The following ADAMTSL1 variants were observed in gnomAD, a reference collection of about 807,000 sequenced individuals.
ADAMTSL1 encodes the protein ADAMTS like 1.
In ADAMTSL1, 126 loss-of-function variants were observed where a neutral mutation model predicts 201.8. The observed-to-expected ratio is 0.62, with a 90% confidence interval of 0.54 to 0.72. The LOEUF (loss-of-function observed/expected upper bound fraction) is 0.72. Ranked by LOEUF, ADAMTSL1 falls within the 30% of genes least tolerant of loss-of-function variation. The pLI is 0.00. For missense variants in ADAMTSL1, 2,679 were observed against 2,277.8 expected (o/e 1.18, Z -3.59); for synonymous variants, 1,121 against 903.4 (o/e 1.24, Z -4.32).
At position 18,781,270 on chromosome 9, in the gene ADAMTSL1, A is replaced by G. The variant is rs1367752231; in HGVS notation, c.3677+3364A>G. 2.0e-5 allele frequency among the ~76,000 whole-genome samples: 3 copies of G among 152,296 alleles called. No homozygotes were observed. The East Asian group carries it at 5.8e-4, about 29-fold the overall frequency. ...TGGGGGAGGGTAGCACTAAGAGGGT[A>G]AGAGGGAAGATACCTGAGAGGCAGG... On this transcript the variant is annotated intron_variant, in intron 19 of 28. Coordinates refer to ENST00000380548, the MANE Select transcript of ADAMTSL1 (RefSeq NM_001040272.6).
intron 2 of ADAMTSL1, among the ~76,000 whole-genome samples, chr9:18,416,109 A>C (rs553252242): frequency 2.0e-4 from 30 of 152,210 alleles, no homozygotes; most frequent in African/African-American, 7.0e-4. Flanking sequence ...TACAGAAAGG[A>C]ATGAAGAACA....
At chr9:18,884,805 T>TTAAG (rs1317364262) in intron 23 of ADAMTSL1, among the ~76,000 whole-genome samples, 1 of 152,220 alleles carries the variant, frequency 6.6e-6, no homozygotes, top group African/African-American at 2.4e-5. Flanking sequence ...TCACTTTGTA[T>TTAAG]TAAGTTTTGA....
chr9:18,730,745 G>A (rs1818169001), intron 15 of ADAMTSL1, among the ~76,000 whole-genome samples: 1 of 152,200 alleles, frequency 6.6e-6, no homozygotes, highest in Admixed American at 6.5e-5. Flanking sequence ...TTTACATGGG[G>A]AGTTACTGTC....
chr9:18,247,831 T>C lies in ADAMTSL1; in HGVS notation c.207+83850T>C, dbSNP rs1423885182. ...GTAGACAAAAGATTAAACAAGTGTA[T>C]GTGGAAAGGGCAGCTTCTAGGAGGC... On this transcript the variant is annotated intron_variant, in intron 2 of 29. Transcript: ENST00000680146. Among the ~76,000 whole-genome samples, 3 of 152,098 alleles carry C rather than the reference T, an allele frequency of 2.0e-5. No individual in the cohort carries two copies. In the East Asian group the frequency reaches 5.8e-4, roughly 29 times the overall value.
intron 1 of ADAMTSL1, among the ~76,000 whole-genome samples, chr9:18,494,570 G>T (rs1007084563): frequency 3.9e-5 from 6 of 152,250 alleles, no homozygotes; most frequent in African/African-American, 1.2e-4. Context: ...GTGTTACTGA[G>T]AATCATGACC....
intron 15 of ADAMTSL1, among the ~76,000 whole-genome samples, chr9:18,732,447 T>C (rs1588006513): frequency 1.3e-5 from 2 of 152,148 alleles, no homozygotes; most frequent in Admixed American, 6.5e-5. Context: ...GTAAGTACCA[T>C]AATGAGATGA....
intron 10 of ADAMTSL1, among the ~76,000 whole-genome samples, chr9:18,677,923 C>T (rs147540249): frequency 6.6e-6 from 1 of 151,936 alleles, no homozygotes; most frequent in African/African-American, 2.4e-5. Flanking sequence ...TGTTTTCATT[C>T]GTAAGAAGAA....
At chr9:18,133,761 T>C (rs1313762006) in intron 1 of ADAMTSL1, among the ~76,000 whole-genome samples, 2 of 152,100 alleles carry the variant, frequency 1.3e-5, no homozygotes, top group African/African-American at 4.8e-5. Context: ...TATGTATATA[T>C]TTACACACAC....
intron 2 of ADAMTSL1, among the ~76,000 whole-genome samples, chr9:18,411,639 G>T (rs1457430940): frequency 6.6e-6 from 1 of 152,098 alleles, no homozygotes; most frequent in Admixed American, 6.5e-5. Context: ...CACACCTAAT[G>T]TTATCACCCA....
chr9:18,675,550 T>G (rs907711857), intron 9 of ADAMTSL1, among the ~76,000 whole-genome samples: 1 of 152,136 alleles, frequency 6.6e-6, no homozygotes, highest in African/African-American at 2.4e-5. Context: ...TTAAAGAACA[T>G]TTACAATCTT....
intron 23 of ADAMTSL1, among the ~76,000 whole-genome samples, chr9:18,863,170 C>A (rs770146029): frequency 6.6e-6 from 1 of 152,210 alleles, no homozygotes; most frequent in Non-Finnish European, 1.5e-5. Flanking sequence ...GGCATCTCAT[C>A]TTCTTCACCT....
intron 1 of ADAMTSL1, among the ~76,000 whole-genome samples, chr9:18,129,780 A>G (rs1006519706): frequency 1.3e-5 from 2 of 152,210 alleles, no homozygotes; most frequent in Admixed American, 6.5e-5. Flanking sequence ...TCAGAACTGC[A>G]AAATGGTCAG....
intron 2 of ADAMTSL1, among the ~76,000 whole-genome samples, chr9:18,318,238 TTATC>T (rs1416348107): frequency 6.6e-6 from 1 of 152,192 alleles, no homozygotes; most frequent in Non-Finnish European, 1.5e-5. Context: ...AGGTCATAGT[TTATC>T]TATACCTAGC....
chr9:18,185,519 A>G (rs529838438), intron 2 of ADAMTSL1, among the ~76,000 whole-genome samples: 1 of 152,308 alleles, frequency 6.6e-6, no homozygotes, highest in African/African-American at 2.4e-5. Flanking sequence ...ATTAGCCACT[A>G]AGTTTGTGGT....
At chr9:18,545,638 G>A (rs1282940322) in intron 3 of ADAMTSL1, among the ~76,000 whole-genome samples, 1 of 152,132 alleles carries the variant, frequency 6.6e-6, no homozygotes, top group Admixed American at 6.6e-5. Flanking sequence ...GAGCGTCTCT[G>A]CCTGTCAAGA....
At chr9:18,567,849 AAAT>A (rs1160857146) in intron 3 of ADAMTSL1, among the ~76,000 whole-genome samples, 3 of 152,212 alleles carry the variant, frequency 2.0e-5, no homozygotes, top group African/African-American at 7.2e-5. Context: ...AAATTAGCAA[AAAT>A]AATAAAATAG....
intron 1 of ADAMTSL1, among the ~76,000 whole-genome samples, chr9:17,938,091 G>A (rs1304412131): frequency 1.3e-5 from 2 of 152,092 alleles, no homozygotes; most frequent in Admixed American, 6.6e-5. Flanking sequence ...GGAAAAAAAT[G>A]TTCTTTGTTA....
At chr9:18,877,615 C>A (rs186720830) in intron 23 of ADAMTSL1, among the ~76,000 whole-genome samples, 1 of 152,070 alleles carries the variant, frequency 6.6e-6, no homozygotes, top group African/African-American at 2.4e-5. Flanking sequence ...AATACCAGTA[C>A]CTGCTCTGGT....
chr9:18,781,930 T>G (rs1284278394), intron 19 of ADAMTSL1, among the ~76,000 whole-genome samples: 1 of 152,232 alleles, frequency 6.6e-6, no homozygotes. Flanking sequence ...CACTAATAAT[T>G]CTGATACTAC....
Sources: allele counts gnomAD v4.1 joint callset (sites outside exome capture counted in the v4.1 genomes callset), GRCh38; gene constraint gnomAD v4.1.1; transcripts MANE v1.5; gene names NCBI Gene and HGNC (gene_info 2026-07-23, HGNC 2026-07-21).